Variants in SNRPD3 observed in about 807,000 individuals in gnomAD.
The protein encoded by SNRPD3 is small nuclear ribonucleoprotein D3 polypeptide, also known as small nuclear ribonucleoprotein Sm D3.
For synonymous variants in SNRPD3, 66 were observed against 58.4 expected (o/e 1.13, Z -0.59); for missense variants, 73 against 167.5 (o/e 0.44, Z 3.11).
intron 2 of SNRPD3, among the ~76,000 whole-genome samples, chr22:24,564,023 T>C (rs1358652414): frequency 6.6e-6 from 1 of 152,098 alleles, no homozygotes; most frequent in Non-Finnish European, 1.5e-5. Context: ...ATCGTATACT[T>C]TTTTTTTCCT....
Position 24,572,081 on chromosome 22 carries a change from T to G in SNRPD3, c.*104T>G, listed in dbSNP as rs917320793. 2 of 1,562,580 alleles carry G rather than the reference T, an allele frequency of 1.3e-6. No individual in the cohort carries two copies. Among genetic ancestry groups the G allele is most frequent in the African/African-American group, 2.7e-5 (2 of 73,200 alleles). On this transcript the variant is annotated 3_prime_UTR_variant, in exon 4 of 4. Coordinates refer to ENST00000215829, the MANE Select transcript of SNRPD3 (RefSeq NM_004175.5). ...TGCTAGGTATCTTTTGCCATCTTTC[T>G]CTTTAGATCAGGGGAAATGTTTAAG...
intron 3 of SNRPD3, among the ~76,000 whole-genome samples, chr22:24,570,815 CTTTTTTTTTTTTT>C (rs10705174): frequency 9.4e-6 from 1 of 106,668 alleles, no homozygotes; most frequent in Non-Finnish European, 2.0e-5. Context: ...TGAAATAATT[CTTTTTTTTTTTTT>C]TTTTTTTTGG....
In SNRPD3 at chr22:24,572,139, T is replaced by C; in HGVS notation, c.*162T>C. On this transcript the variant is annotated 3_prime_UTR_variant, in exon 4 of 4. Coordinates refer to ENST00000215829, the MANE Select transcript of SNRPD3 (RefSeq NM_004175.5). ...AATCTGGGGGGTTTTTTGTTCTGTTTTGTTTTGTTTTCTTTGAGAAAATAA... is the reference window on the plus strand; with the variant it reads ...AATCTGGGGGGTTTTTTGTTCTGTTCTGTTTTGTTTTCTTTGAGAAAATAA... 1 of 1,383,378 alleles carries C rather than the reference T, an allele frequency of 7.2e-7. No individual in the cohort carries two copies. Among genetic ancestry groups the C allele is most frequent in the Non-Finnish European group, 9.9e-7 (1 of 1,005,592 alleles). The allele number at this position is 1,383,378 out of a possible 1,614,324, so 85.7% of individuals were successfully genotyped here.
intron 2 of SNRPD3, among the ~76,000 whole-genome samples, chr22:24,562,510 C>G (rs1404181534): frequency 2.0e-5 from 3 of 152,232 alleles, no homozygotes; most frequent in Non-Finnish European, 2.9e-5. Context: ...CGCCACTGCA[C>G]TCCAGCCTGG....
In SNRPD3 at chr22:24,570,090, G is replaced by A. The variant is rs150246002; in HGVS notation, c.320-1826G>A. On this transcript the variant is annotated intron_variant, in intron 3 of 3. Transcript: ENST00000215829. ...TGGGTGTGATCTAACACTAATAGAC[G>A]GGGTTGGGAAACCCCGCGAGGCCTG... 2.2e-3 allele frequency among the ~76,000 whole-genome samples: 331 copies of A among 152,338 alleles called. 3 individuals are homozygous for A. Among genetic ancestry groups the A allele is most frequent in the African/African-American group, 7.7e-3 (319 of 41,572 alleles).
intron 2 of SNRPD3, among the ~76,000 whole-genome samples, chr22:24,567,653 G>C (rs2045208546): frequency 6.6e-6 from 1 of 152,124 alleles, no homozygotes; most frequent in Non-Finnish European, 1.5e-5. Context: ...GGCTGAGGCA[G>C]GAGAATCGCT....
At chr22:24,561,253 T>A (rs985949611) in intron 2 of SNRPD3, among the ~76,000 whole-genome samples, 1 of 151,800 alleles carries the variant, frequency 6.6e-6, no homozygotes, top group Non-Finnish European at 1.5e-5. Flanking sequence ...TTAAATTTTT[T>A]TGTAGAGACG....
intron 2 of SNRPD3, 71 bp from the exon 3 acceptor site, chr22:24,567,913 C>T: frequency 8.1e-7 from 1 of 1,230,828 alleles, no homozygotes; most frequent in Non-Finnish European, 1.2e-6. Context: ...CTTCCCCCTC[C>T]CACCAGTCAA....
chr22:24,563,062 T>C (rs1381942323), intron 2 of SNRPD3, among the ~76,000 whole-genome samples: 2 of 152,102 alleles, frequency 1.3e-5, no homozygotes, highest in African/African-American at 2.4e-5. Context: ...AGCACTGTTT[T>C]TGACATTTGA....
intron 3 of SNRPD3, 96 bp from the exon 4 acceptor site, chr22:24,571,820 A>G: frequency 8.2e-7 from 1 of 1,223,854 alleles, no homozygotes; most frequent in Non-Finnish European, 1.2e-6. Flanking sequence ...ACCCTTCAGA[A>G]CCCTTCTAAC....
intron 2 of SNRPD3, among the ~76,000 whole-genome samples, chr22:24,564,883 C>CTTTTTTTTTTT (rs371010665): frequency 7.9e-6 from 1 of 127,166 alleles, no homozygotes; most frequent in African/African-American, 2.8e-5. Flanking sequence ...TTGCCTTGTT[C>CTTTTTTTTTTT]ATTTTTTTTT....
chr22:24,558,979 C>T (rs538263994), intron 2 of SNRPD3, among the ~76,000 whole-genome samples: 20 of 152,318 alleles, frequency 1.3e-4, no homozygotes, highest in African/African-American at 4.8e-4. Flanking sequence ...AAGACTGCCA[C>T]AGGGGTAATA....
intron 2 of SNRPD3, among the ~76,000 whole-genome samples, chr22:24,566,250 A>C (rs2147126804): frequency 6.6e-6 from 1 of 152,278 alleles, no homozygotes; most frequent in East Asian, 1.9e-4. Flanking sequence ...CTCATATACA[A>C]CAGGGGCGGC....
intron 2 of SNRPD3, among the ~76,000 whole-genome samples, chr22:24,563,791 T>G (rs1376639362): frequency 6.6e-6 from 1 of 152,180 alleles, no homozygotes; most frequent in Non-Finnish European, 1.5e-5. Context: ...TTTGTTGGCT[T>G]TGGCATATAA....
chr22:24,560,336 C>G (rs909476262), intron 2 of SNRPD3, among the ~76,000 whole-genome samples: 2 of 150,780 alleles, frequency 1.3e-5, no homozygotes, highest in African/African-American at 4.9e-5. Context: ...ATTGGCCAGG[C>G]TGGTCTCGAA....
chr22:24,560,829 A>T lies in SNRPD3; in HGVS notation c.126+3029A>T, dbSNP rs143098899. Among the ~76,000 whole-genome samples, 142 of 147,310 alleles carry T rather than the reference A, an allele frequency of 9.6e-4. 4 individuals carry two copies. The East Asian group carries it at 0.026, about 27-fold the overall frequency. On this transcript the variant is annotated intron_variant, in intron 2 of 3. Coordinates refer to ENST00000215829, the MANE Select transcript of SNRPD3 (RefSeq NM_004175.5). ...TGCAAACCTCCGTCTTCCCGGGTTT[A>T]AGCAACTCTCTTGCCTCAGCCTCCT...
intron 1 of SNRPD3, among the ~76,000 whole-genome samples, chr22:24,556,826 G>C (rs775693174): frequency 4.6e-5 from 7 of 152,212 alleles, no homozygotes; most frequent in Non-Finnish European, 7.3e-5. Context: ...TCTTAGGTAC[G>C]CTTAAGTTGA....
chr22:24,560,726 T>TC (rs1601565497), intron 2 of SNRPD3, among the ~76,000 whole-genome samples: 1 of 124,532 alleles, frequency 8.0e-6, no homozygotes, highest in African/African-American at 3.2e-5. Flanking sequence ...TTTTTTTTTT[T>TC]TTTTTTTTTT....
chr22:24,570,815 CTTTTT>C (rs10705174), intron 3 of SNRPD3, among the ~76,000 whole-genome samples: 11 of 106,704 alleles, frequency 1.0e-4, no homozygotes, highest in African/African-American at 3.2e-4. Flanking sequence ...TGAAATAATT[CTTTTT>C]TTTTTTTTTT....
Sources: gnomAD v4.1 joint callset for allele counts (sites outside exome capture counted in the v4.1 genomes callset) on GRCh38, gnomAD v4.1.1 for gene constraint, MANE v1.5 for transcripts, NCBI Gene and HGNC (gene_info 2026-07-23, HGNC 2026-07-21) for gene names.